Variants in CHRDL1 observed in about 807,000 individuals in gnomAD.
The protein encoded by CHRDL1 is chordin-like protein 1.
Under a neutral mutation model 40.9 loss-of-function variants are expected in CHRDL1, and 19 were observed. That is an observed-to-expected ratio of 0.46 (90% CI 0.32 to 0.68). The LOEUF (loss-of-function observed/expected upper bound fraction) is 0.68, where lower values mean the gene tolerates loss of function less well. Among genes scored for constraint, CHRDL1 ranks in the 30% least tolerant of loss-of-function variants. The probability of loss-of-function intolerance (pLI) is 0.03; values close to 1 mark genes in which losing one functional copy is unlikely to be tolerated. For missense variants in CHRDL1, 329 were observed against 352.1 expected, an observed-to-expected ratio of 0.93 and a Z score of 0.53; for synonymous variants, 136 against 123.4, an observed-to-expected ratio of 1.10 and a Z score of -0.68.
At chrX:110,753,336 T>G (rs1256969224) in intron 4 of CHRDL1, among the ~76,000 whole-genome samples, 1 of 112,024 alleles carries the variant, frequency 8.9e-6, no homozygotes, top group East Asian at 2.8e-4. Context: ...TCCACTTATG[T>G]GAAATGTCCA....
intron 3 of CHRDL1, among the ~76,000 whole-genome samples, chrX:110,761,635 T>A (rs1293029450): frequency 8.9e-6 from 1 of 111,910 alleles, no homozygotes; most frequent in Non-Finnish European, 1.9e-5. Flanking sequence ...GCTCTTGTTG[T>A]CTAATGGGTA....
chrX:110,792,512 T>G (rs1325184721), intron 1 of CHRDL1, among the ~76,000 whole-genome samples: 1 of 112,261 alleles, frequency 8.9e-6, no homozygotes, highest in African/African-American at 3.2e-5. Flanking sequence ...CTAAGGGAAT[T>G]AAAGTTGATT....
chrX:110,687,411 T>C (rs1375701249), intron 9 of CHRDL1, among the ~76,000 whole-genome samples: 1 of 111,660 alleles, frequency 9.0e-6, no homozygotes, highest in African/African-American at 3.3e-5. Context: ...GGGGTTCTAA[T>C]GTTCAGACAA....
chrX:110,689,482 ATC>A (rs1285952155), intron 8 of CHRDL1, among the ~76,000 whole-genome samples: 2 of 34,145 alleles, frequency 5.9e-5, no homozygotes, highest in Non-Finnish European at 9.7e-5. Context: ...ATATCTATAT[ATC>A]TATATCTCTA....
At position 110,697,679 on chromosome X, in the gene CHRDL1, A is replaced by G. The variant is rs1008211301; in HGVS notation, c.609+2975T>C. 4.6e-5 allele frequency among the ~76,000 whole-genome samples: 5 copies of G among 109,420 alleles called. No homozygotes were observed. In the Admixed American group the frequency reaches 4.9e-4, roughly 11 times the overall value. On this transcript the variant is annotated intron_variant, in intron 7 of 11. Transcript: ENST00000372042. ...TATCCCAAACGCTTTCACTTTTTTTAATGGTAAATTTCAACGTAATCTACA... is the reference window on the plus strand; with the variant it reads ...TATCCCAAACGCTTTCACTTTTTTTGATGGTAAATTTCAACGTAATCTACA...
At chrX:110,741,268 T>C (rs914168250) in intron 4 of CHRDL1, among the ~76,000 whole-genome samples, 20 of 111,946 alleles carry the variant, frequency 1.8e-4, no homozygotes, top group Middle Eastern at 4.6e-3. Flanking sequence ...TAAAGTTCTG[T>C]TGTTTATAAC....
intron 4 of CHRDL1, among the ~76,000 whole-genome samples, chrX:110,723,515 G>T (rs1317341374): frequency 9.0e-6 from 1 of 111,646 alleles, no homozygotes; most frequent in African/African-American, 3.3e-5. Flanking sequence ...AGGCTTAAGA[G>T]ATTGACTTGC....
At chrX:110,759,241 G>A (rs1001871768) in intron 4 of CHRDL1, among the ~76,000 whole-genome samples, 6 of 112,045 alleles carry the variant, frequency 5.4e-5, no homozygotes, top group Non-Finnish European at 9.4e-5. Flanking sequence ...CAGCTCCTTT[G>A]ATTTATGAAT....
chrX:110,779,894 C>T (rs753067630), intron 2 of CHRDL1, among the ~76,000 whole-genome samples: 11 of 111,443 alleles, frequency 9.9e-5, no homozygotes, highest in Non-Finnish European at 1.7e-4. Context: ...AGATACTGTA[C>T]ATATTTTGTT....
chrX:110,754,626 G>T (rs1030245013), intron 4 of CHRDL1, among the ~76,000 whole-genome samples: 1 of 111,649 alleles, frequency 9.0e-6, no homozygotes, highest in Non-Finnish European at 1.9e-5. Context: ...TAAGACTGGG[G>T]TGTCTCTCTT....
intron 2 of CHRDL1, among the ~76,000 whole-genome samples, chrX:110,768,390 G>C (rs1240909195): frequency 9.0e-6 from 1 of 111,505 alleles, no homozygotes; most frequent in Non-Finnish European, 1.9e-5. Context: ...TTGGATTGAA[G>C]GATGCAAAGC....
At chrX:110,715,988 A>G (rs997084996) in intron 6 of CHRDL1, among the ~76,000 whole-genome samples, 5 of 112,689 alleles carry the variant, frequency 4.4e-5, no homozygotes, top group Admixed American at 2.8e-4. Context: ...GGAAAGATCC[A>G]GGGCCTTACC....
At chrX:110,710,280 A>G (rs2070724278) in intron 6 of CHRDL1, among the ~76,000 whole-genome samples, 1 of 112,188 alleles carries the variant, frequency 8.9e-6, no homozygotes, top group African/African-American at 3.2e-5. Context: ...GGGCACATCC[A>G]ATGGTGTTTC....
At chrX:110,690,521 A>C (rs1285331234) in intron 8 of CHRDL1, among the ~76,000 whole-genome samples, 1 of 110,759 alleles carries the variant, frequency 9.0e-6, no homozygotes, top group Non-Finnish European at 1.9e-5. Flanking sequence ...CTTTCCATGG[A>C]GGCTAGATGC....
Position 110,788,403 on chromosome X carries a change from C to T in CHRDL1, c.94+3685G>A, listed in dbSNP as rs143503465. 4.3e-3 allele frequency among the ~76,000 whole-genome samples: 485 copies of T among 111,701 alleles called. 5 individuals carry two copies. The highest frequency in any genetic ancestry group is 0.014 in the African/African-American group (433 of 30,775). On this transcript the variant is annotated intron_variant, in intron 2 of 11. Transcript: ENST00000372042. ...CATCTTTGACCATAATGGCATCCCC[C>T]GTCATTCCCCTGTGATGCCCCAAAT...
At chrX:110,688,382 T>A (rs2070069702) in intron 9 of CHRDL1, among the ~76,000 whole-genome samples, 1 of 112,054 alleles carries the variant, frequency 8.9e-6, no homozygotes, top group Admixed American at 9.5e-5. Flanking sequence ...ACATGAGAGG[T>A]GTGGTAGACA....
intron 2 of CHRDL1, among the ~76,000 whole-genome samples, chrX:110,790,640 T>C (rs1449472359): frequency 1.8e-5 from 2 of 110,220 alleles, no homozygotes; most frequent in East Asian, 5.7e-4. Context: ...ACTTTAAGTG[T>C]AACCATCACC....
chrX:110,724,618 T>G (rs1351074225), intron 4 of CHRDL1, among the ~76,000 whole-genome samples: 1 of 109,995 alleles, frequency 9.1e-6, no homozygotes, highest in African/African-American at 3.3e-5. Flanking sequence ...ACACAGCTGT[T>G]TAACAAGAGA....
chrX:110,762,863 A>C lies in CHRDL1; in HGVS notation c.95-56T>G, dbSNP rs757173990. On this transcript the variant is annotated intron_variant, in intron 2 of 11. Transcript: ENST00000372042. ...TTAGGAAACATCAACCAAGTCACAA[A>C]ATTCAAAAGCAATCACAAGTTCCAT... 3 of 666,066 alleles carry C rather than the reference A, an allele frequency of 4.5e-6. No homozygotes were observed. The Admixed American group carries it at 7.3e-5, about 16-fold the overall frequency. 54.9% of individuals were successfully genotyped at this position (666,066 alleles called of 1,213,427 possible). A position where few individuals can be genotyped will look rare whatever the true frequency, so the allele number is the denominator to read the frequency against.
Sources: gnomAD v4.1 joint callset for allele counts (sites outside exome capture counted in the v4.1 genomes callset) on GRCh38, gnomAD v4.1.1 for gene constraint, MANE v1.5 for transcripts, NCBI Gene and HGNC (gene_info 2026-07-23, HGNC 2026-07-21) for gene names.